The following COL18A1 variants were observed in gnomAD, a reference collection of about 807,000 sequenced individuals.
COL18A1 encodes the protein collagen alpha-1(XVIII) chain.
Under a neutral mutation model 168.0 loss-of-function variants are expected in COL18A1, and 133 were observed. The observed-to-expected ratio is 0.79, with a 90% CI of 0.69 to 0.91. The LOEUF (loss-of-function observed/expected upper bound fraction) is 0.91. COL18A1 is among the 40% of genes least tolerant of loss of function. The pLI is 0.00. For synonymous variants in COL18A1, 949 were observed against 809.0 expected, an observed-to-expected ratio of 1.17 and a Z score of -2.94; for missense variants, 2,126 against 1,925.4, an observed-to-expected ratio of 1.10 and a Z score of -1.95.
At position 45,456,754 on chromosome 21, in the gene COL18A1, C is replaced by A. The variant is rs1342325433; in HGVS notation, c.107-11488C>A. The A allele has an allele frequency of 2.6e-6, 4 of 1,539,672 alleles. No individual in the cohort carries two copies. The Admixed American group carries it at 7.9e-5, about 30-fold the overall frequency. ...TCCCGCCGCCCGCCCCGCCACCCTGCTGCCAGTTCTGCGAGGCCCTGCAGG... is the reference window on the plus strand; with the variant it reads ...TCCCGCCGCCCGCCCCGCCACCCTGATGCCAGTTCTGCGAGGCCCTGCAGG... On this transcript the variant is annotated intron_variant, in intron 2 of 41. Transcript: ENST00000651438.
At chr21:45,495,591 C>A in intron 29 of COL18A1, 159 bp downstream of exon 29, 1 of 579,564 alleles carries the variant, frequency 1.7e-6, no homozygotes, top group African/African-American at 4.2e-5. Context: ...CATGCACAGT[C>A]ATACATGTCC....
intron 2 of COL18A1, among the ~76,000 whole-genome samples, chr21:45,426,627 G>A (rs1195952043): frequency 6.6e-6 from 1 of 152,208 alleles, no homozygotes; most frequent in Admixed American, 6.5e-5. Flanking sequence ...AAACCCTTGG[G>A]TGCCAGGCCT....
At chr21:45,491,140 G>A (rs989394018) in intron 21 of COL18A1, 85 bp from the exon 22 acceptor site, 3 of 1,244,086 alleles carry the variant, frequency 2.4e-6, no homozygotes, top group African/African-American at 3.0e-5. Context: ...TGGGCTCTGG[G>A]CACCCCCTCC....
chr21:45,473,200 C>T lies in COL18A1; in HGVS notation c.652-695C>T, dbSNP rs1602470629. On this transcript the variant is annotated intron_variant, in intron 3 of 41. Coordinates refer to ENST00000651438, the MANE Select transcript of COL18A1 (RefSeq NM_001379500.1). The surrounding 1 kb of genome is among the most constrained non-coding windows in gnomAD (Gnocchi z 4.0). ...CTCCTGTGTCCTTGCCCAGCATCCC[C>T]GGCCTGCATCTCACCAGGCACCGCC... Among the ~76,000 whole-genome samples, 2 of 152,354 alleles carry T rather than the reference C, an allele frequency of 1.3e-5. No homozygotes were observed. Among genetic ancestry groups the T allele is most frequent in the Admixed American group, 6.5e-5 (1 of 15,308 alleles).
chr21:45,476,628 G>A (rs2035666956), intron 6 of COL18A1, 148 bp downstream of exon 6: 1 of 1,041,782 alleles, frequency 9.6e-7, no homozygotes, highest in South Asian at 1.4e-5. Flanking sequence ...TATGGCACGT[G>A]TTTGTGTGAA....
At position 45,497,646 on chromosome 21, in the gene COL18A1, C is replaced by T. The variant is rs764836878; in HGVS notation, c.2668C>T (p.Pro890Ser). 5.5e-5 allele frequency: 87 copies of T among 1,567,992 alleles called. No homozygotes were observed. The highest frequency in any genetic ancestry group is 6.9e-5 in the Non-Finnish European group (80 of 1,156,932). Residue 890 changes from proline (P) to serine (S), a missense_variant, in exon 32 of 42, where the codon CCC becomes TCC. By Grantham distance (74) the Pro-to-Ser change is moderately conservative. Transcript: ENST00000651438. The part of the protein sequence containing the change: ...GPKGAKGEVG[P>S]PGPPGQFPFD... ...CAAGGGCGCCAAAGGAGAAGTGGGC[C>T]CCCCCGGACCACCAGGTGAGCAACT...
intron 13 of COL18A1, 22 bp from the exon 14 acceptor site, chr21:45,481,941 A>C: frequency 1.3e-6 from 2 of 1,586,108 alleles, no homozygotes; most frequent in Non-Finnish European, 1.7e-6. Context: ...ATCAAGACCC[A>C]CTATGCTCTG....
At chr21:45,450,242 C>G (rs1243789716) in intron 2 of COL18A1, among the ~76,000 whole-genome samples, 1 of 152,108 alleles carries the variant, frequency 6.6e-6, no homozygotes, top group African/African-American at 2.4e-5. Flanking sequence ...TGGGCTCGGG[C>G]GAGCATCTGG....
chr21:45,484,219 C>T (rs1771783947), intron 15 of COL18A1, among the ~76,000 whole-genome samples: 1 of 141,172 alleles, frequency 7.1e-6, no homozygotes, highest in South Asian at 2.3e-4. Context: ...GCACACACAT[C>T]TCCAGCATAT....
chr21:45,422,033 C>T (rs1177793810), intron 2 of COL18A1, among the ~76,000 whole-genome samples: 4 of 152,138 alleles, frequency 2.6e-5, no homozygotes, highest in African/African-American at 9.7e-5. Flanking sequence ...GTCACACACA[C>T]AGGTTCACAG....
intron 2 of COL18A1, among the ~76,000 whole-genome samples, chr21:45,416,869 C>G (rs145275665): frequency 2.7e-5 from 4 of 150,186 alleles, no homozygotes; most frequent in Non-Finnish European, 4.4e-5. Context: ...TTCTGCATAT[C>G]CTCGTTCTGC....
At chr21:45,495,166 G>A in intron 28 of COL18A1, 192 bp from the exon 29 acceptor site, 1 of 660,830 alleles carries the variant, frequency 1.5e-6, no homozygotes, top group Admixed American at 2.2e-5. Flanking sequence ...GCTAGGCTCA[G>A]TCACCTCCTC....
chr21:45,489,769 G>C (rs1373320178), intron 19 of COL18A1, among the ~76,000 whole-genome samples: 1 of 145,444 alleles, frequency 6.9e-6, no homozygotes, highest in Non-Finnish European at 1.5e-5. Context: ...CCGGCTGTCT[G>C]GCTGTGCAGG....
rs73909558 is a variant in COL18A1 at position 45,453,351 on chromosome 21, A to C, written c.107-14891A>C. On this transcript the variant is annotated intron_variant, in intron 2 of 41. Coordinates refer to ENST00000651438, the MANE Select transcript of COL18A1 (RefSeq NM_001379500.1). Reference sequence around the variant, plus strand: ...ATGGCATAGCTAAGCATGCATGTGCATGTGTTCATGCATGAGCAGGAGTGA... The same window carrying C: ...ATGGCATAGCTAAGCATGCATGTGCCTGTGTTCATGCATGAGCAGGAGTGA... 5.4e-3 allele frequency among the ~76,000 whole-genome samples: 824 copies of C among 152,358 alleles called. 12 individuals are homozygous for C. Among genetic ancestry groups the C allele is most frequent in the African/African-American group, 0.019 (798 of 41,572 alleles).
intron 15 of COL18A1, among the ~76,000 whole-genome samples, chr21:45,484,379 C>A (rs2036025159): frequency 6.9e-6 from 1 of 145,114 alleles, no homozygotes; most frequent in Non-Finnish European, 1.5e-5. Flanking sequence ...CACGCACACA[C>A]ACATCTCCAG....
intron 22 of COL18A1, among the ~76,000 whole-genome samples, chr21:45,492,126 G>C (rs571527668): frequency 6.6e-6 from 1 of 152,332 alleles, no homozygotes; most frequent in Admixed American, 6.5e-5. Context: ...GCTTGCCCCA[G>C]CACGGCTTTG....
At chr21:45,461,605 C>CCTT (rs142087694) in intron 2 of COL18A1, among the ~76,000 whole-genome samples, 10,879 of 152,208 alleles carry the variant, frequency 0.071, 693 homozygotes, top group African/African-American at 0.17. Context: ...CTCGAGGCTT[C>CCTT]CTTGCTAGCC....
At chr21:45,460,174 G>A (rs1366266116) in intron 2 of COL18A1, among the ~76,000 whole-genome samples, 13 of 152,238 alleles carry the variant, frequency 8.5e-5, no homozygotes, top group Admixed American at 8.5e-4. Flanking sequence ...CTTCAGCATC[G>A]CAGCAGATGC....
At chr21:45,437,357 C>CGA (rs1555972414) in intron 2 of COL18A1, among the ~76,000 whole-genome samples, 1 of 38,482 alleles carries the variant, frequency 2.6e-5, no homozygotes, top group African/African-American at 1.3e-4. Flanking sequence ...CACTCTCCTG[C>CGA]GCACACACAC....
Sources: allele counts gnomAD v4.1 joint callset (sites outside exome capture counted in the v4.1 genomes callset), GRCh38; gene constraint gnomAD v4.1.1; non-coding constraint Gnocchi (gnomAD v3.1); transcripts MANE v1.5; gene names NCBI Gene and HGNC (gene_info 2026-07-23, HGNC 2026-07-21).